DMD: variants seen among roughly 807,000 people sequenced by gnomAD.
DMD encodes mutant dystrophin.
Under a neutral mutation model 330.1 loss-of-function variants are expected in DMD, and 63 were observed. That is an observed-to-expected ratio of 0.19 (90% confidence interval 0.16 to 0.24). DMD has a LOEUF of 0.24. DMD is among the 10% of genes least tolerant of loss of function. DMD has a pLI of 1.00. For missense variants in DMD, 3,344 were observed against 2,684.1 expected (o/e 1.25, Z -5.43); for synonymous variants, 1,223 against 959.8 (o/e 1.27, Z -5.07).
rs143159113 is a variant in DMD, at chrX:32,343,149, A to G, written c.5724T>C (p.Asp1908=). The stretch of plus-strand genomic sequence containing the variant: ...ACAACATTACCTTTATTTTCCTTTC[A>G]TCTCTGGGCTCAGGTAGGCTGGCTA... The part of the protein sequence containing the change: ...KKLASLPEPR[D]ERKIKEIDRE... Residue 1908 remains aspartate, a synonymous_variant, in exon 40 of 79, where the codon GAT becomes GAC. Coordinates refer to ENST00000357033, the MANE Select transcript of DMD (RefSeq NM_004006.3). The G allele has an allele frequency of 2.9e-3, 3,482 of 1,208,713 alleles. 66 individuals carry two copies. In the African/African-American group the frequency reaches 0.051, roughly 18 times the overall value.
At chrX:32,234,952 C>T (rs1201060882) in intron 43 of DMD, among the ~76,000 whole-genome samples, 3 of 111,566 alleles carry the variant, frequency 2.7e-5, no homozygotes, top group Admixed American at 1.9e-4. Flanking sequence ...GGATTCAAAT[C>T]CAGCTTTCAC....
chrX:32,988,250 T>A (rs2092896466), intron 2 of DMD, among the ~76,000 whole-genome samples: 1 of 111,439 alleles, frequency 9.0e-6, no homozygotes, highest in Non-Finnish European at 1.9e-5. Flanking sequence ...CTTTCTGGAA[T>A]CTGAATCAGC....
At chrX:31,232,357 G>GAA (rs755646791) in intron 63 of DMD, among the ~76,000 whole-genome samples, 51 of 111,283 alleles carry the variant, frequency 4.6e-4, no homozygotes, top group African/African-American at 1.5e-3. Context: ...GATAGAAGAG[G>GAA]AATAAAAAAT....
intron 55 of DMD, among the ~76,000 whole-genome samples, chrX:31,590,775 G>A (rs897328487): frequency 9.0e-6 from 1 of 111,412 alleles, no homozygotes; most frequent in Admixed American, 9.6e-5. Context: ...CTTACAGAGT[G>A]TTCTGTAAAA....
intron 2 of DMD, among the ~76,000 whole-genome samples, chrX:32,949,496 T>G (rs1054151438): frequency 9.0e-6 from 1 of 110,651 alleles, no homozygotes; most frequent in African/African-American, 3.3e-5. Context: ...AATAGTAAAC[T>G]ACCCAAGGAC....
chrX:31,159,468 G>A (rs746996201), intron 74 of DMD, among the ~76,000 whole-genome samples: 18 of 111,714 alleles, frequency 1.6e-4, no homozygotes, highest in African/African-American at 5.9e-4. Context: ...TAAAATGGGT[G>A]AGTTTAGCCA....
intron 1 of DMD, among the ~76,000 whole-genome samples, chrX:33,071,168 C>A (rs755608917): frequency 2.6e-4 from 29 of 111,121 alleles, no homozygotes; most frequent in Non-Finnish European, 5.1e-4. Context: ...AATGGACATA[C>A]AGGCCGGACT....
intron 1 of DMD, among the ~76,000 whole-genome samples, chrX:33,022,059 G>A (rs1468891628): frequency 9.0e-6 from 1 of 111,557 alleles, no homozygotes; most frequent in Non-Finnish European, 1.9e-5. Flanking sequence ...TCATTTATCA[G>A]TAGTATATAC....
intron 1 of DMD, among the ~76,000 whole-genome samples, chrX:33,291,181 A>G (rs1054683227): frequency 8.9e-6 from 1 of 111,748 alleles, no homozygotes; most frequent in Non-Finnish European, 1.9e-5. Flanking sequence ...TAGATGCAGA[A>G]AAGGCCTTCG....
intron 45 of DMD, among the ~76,000 whole-genome samples, chrX:31,958,745 C>T (rs2095271596): frequency 8.9e-6 from 1 of 112,039 alleles, no homozygotes; most frequent in African/African-American, 3.2e-5. Flanking sequence ...GAGATTGCCA[C>T]CATCTCTACA....
At chrX:32,900,311 G>C (rs1424913687) in intron 2 of DMD, among the ~76,000 whole-genome samples, 3 of 111,264 alleles carry the variant, frequency 2.7e-5, no homozygotes, top group Non-Finnish European at 5.7e-5. Context: ...GTGGCATGTG[G>C]AGGAGGGCTT....
intron 54 of DMD, among the ~76,000 whole-genome samples, chrX:31,629,307 C>T (rs1217533055): frequency 9.0e-6 from 1 of 111,604 alleles, no homozygotes; most frequent in Non-Finnish European, 1.9e-5. Flanking sequence ...GCCGAGCCAG[C>T]GGCAGCAAAG....
At chrX:31,867,061 T>A (rs1316404239) in intron 48 of DMD, among the ~76,000 whole-genome samples, 1 of 102,873 alleles carries the variant, frequency 9.7e-6, no homozygotes, top group African/African-American at 3.6e-5. Flanking sequence ...TGAAATAAAA[T>A]TGAATATACT....
At chrX:32,740,574 A>G (rs188483974) in intron 7 of DMD, among the ~76,000 whole-genome samples, 3 of 111,669 alleles carry the variant, frequency 2.7e-5, no homozygotes, top group East Asian at 5.6e-4. Flanking sequence ...AATATTTACT[A>G]TATTATTATT....
intron 44 of DMD, among the ~76,000 whole-genome samples, chrX:32,209,017 G>A: frequency 8.9e-6 from 1 of 111,822 alleles, no homozygotes; most frequent in Middle Eastern, 4.6e-3. Flanking sequence ...ATTTATTTAT[G>A]TATTTATTCG....
At chrX:32,280,165 G>GTATATATATATATATACAGTA (rs1569555741) in intron 43 of DMD, among the ~76,000 whole-genome samples, 102 of 22,152 alleles carry the variant, frequency 4.6e-3, no homozygotes, top group African/African-American at 0.011. Flanking sequence ...TATATATACA[G>GTATATATATATATATACAGTA]TATATATATA....
At position 32,630,450 on chromosome X, in the gene DMD, T is replaced by G. The variant is rs757824064; in HGVS notation, c.1331+13682A>C. ...ATCTCCTTGGTGTTCTATTATCTTCTTGTACTTGAATTTTAATCTCTCTCT... is the reference window on the plus strand; with the variant it reads ...ATCTCCTTGGTGTTCTATTATCTTCGTGTACTTGAATTTTAATCTCTCTCT... On this transcript the variant is annotated intron_variant, in intron 11 of 78. Coordinates refer to ENST00000357033, the MANE Select transcript of DMD (RefSeq NM_004006.3). Among the ~76,000 whole-genome samples the G allele has an allele frequency of 4.5e-5, 5 of 111,119 alleles. No homozygotes were observed. In the South Asian group the frequency reaches 1.9e-3, roughly 43 times the overall value.
intron 44 of DMD, among the ~76,000 whole-genome samples, chrX:32,197,835 C>A (rs780615799): frequency 9.1e-6 from 1 of 110,339 alleles, no homozygotes; most frequent in African/African-American, 3.3e-5. Context: ...TATTTTTTTG[C>A]GGTGAGAACA....
In DMD at chrX:31,860,744, G is replaced by GT. The variant is rs200397270; in HGVS notation, c.7098+14443dup. On this transcript the variant is annotated intron_variant, in intron 48 of 78. Transcript: ENST00000357033. ...AAGCCACAAACCTTCTTTAGGTAAT[G>GT]TATTTTGAAAGAATGGGAGTCAGTT... is the stretch of plus-strand genomic sequence containing the variant. Among the ~76,000 whole-genome samples the GT allele has an allele frequency of 1.5e-3, 165 of 112,668 alleles. 1 individual carries two copies. The East Asian group carries it at 0.031, about 21-fold the overall frequency.
Sources: allele counts gnomAD v4.1 joint callset (sites outside exome capture counted in the v4.1 genomes callset), GRCh38; gene constraint gnomAD v4.1.1; transcripts MANE v1.5; gene names NCBI Gene and HGNC (gene_info 2026-07-23, HGNC 2026-07-21).